TSPAN13: variants seen among roughly 807,000 people sequenced by gnomAD.
The protein encoded by TSPAN13 is tetraspanin-13.
In TSPAN13, 18 loss-of-function variants were observed where a neutral mutation model predicts 26.9. The observed-to-expected ratio is 0.67, with a 90% confidence interval of 0.46 to 0.99. TSPAN13 has a LOEUF of 0.99. Among genes scored for constraint, TSPAN13 ranks in the 50% least tolerant of loss-of-function variants. The probability of loss-of-function intolerance (pLI) is 0.00; values close to 1 mark genes in which losing one functional copy is unlikely to be tolerated. For missense variants in TSPAN13, 201 were observed against 249.6 expected (o/e 0.81, Z 1.31); for synonymous variants, 116 against 98.4 (o/e 1.18, Z -1.06).
At chr7:16,765,332 G>A (rs185434401) in intron 1 of TSPAN13, among the ~76,000 whole-genome samples, 288 of 152,146 alleles carry the variant, frequency 1.9e-3, no homozygotes, top group African/African-American at 6.7e-3. Context: ...CGAGCTACCT[G>A]GGTTCAAGCA....
At chr7:16,771,144 G>GAA (rs1491478640) in intron 1 of TSPAN13, among the ~76,000 whole-genome samples, 2 of 152,206 alleles carry the variant, frequency 1.3e-5, no homozygotes, top group Non-Finnish European at 2.9e-5. Flanking sequence ...CACAGCACCA[G>GAA]CTGTATGCTT....
intron 1 of TSPAN13, among the ~76,000 whole-genome samples, chr7:16,763,436 A>T (rs56937850): frequency 0.051 from 7,753 of 152,244 alleles, 695 homozygotes; most frequent in African/African-American, 0.18. Context: ...TGGGACATCC[A>T]GTAGTTGGGT....
Position 16,777,786 on chromosome 7 carries a change from C to T in TSPAN13, c.313-12C>T. The T allele has an allele frequency of 6.2e-7, 1 of 1,607,412 alleles. No homozygotes were observed. Among genetic ancestry groups the T allele is most frequent in the Non-Finnish European group, 8.5e-7 (1 of 1,175,044 alleles). ...GGGATGACACATTTTATATATTAAA[C>T]ACATTTACTAGGGTCAGCTTCTGGA... On this transcript the variant is annotated splice_polypyrimidine_tract_variant and intron_variant, in intron 3 of 5. Transcript: ENST00000262067.
Position 16,754,966 on chromosome 7 carries a change from G to T in TSPAN13, c.63+936G>T, listed in dbSNP as rs114513682. Among the ~76,000 whole-genome samples the T allele has an allele frequency of 2.8e-3, 421 of 152,282 alleles. 1 individual carries two copies. Among genetic ancestry groups the T allele is most frequent in the African/African-American group, 9.4e-3 (391 of 41,564 alleles). On this transcript the variant is annotated intron_variant, in intron 1 of 5. Coordinates refer to ENST00000262067, the MANE Select transcript of TSPAN13 (RefSeq NM_014399.4). ...TATACATAAGGTAACAGACCAAAAA[G>T]GTTTTAGTAAGTTTACATAGCTGGT... is the stretch of plus-strand genomic sequence containing the variant.
intron 4 of TSPAN13, 48 bp downstream of exon 4, chr7:16,777,959 A>G (rs1289249331): frequency 4.5e-6 from 6 of 1,342,900 alleles, no homozygotes; most frequent in Non-Finnish European, 6.3e-6. Flanking sequence ...TTACAGATAA[A>G]TAATGATTAA....
chr7:16,776,603 C>G (rs1784752804), intron 2 of TSPAN13, among the ~76,000 whole-genome samples: 2 of 152,128 alleles, frequency 1.3e-5, no homozygotes, highest in South Asian at 4.1e-4. Flanking sequence ...TCTGCAAGTT[C>G]AGTGTAGTCC....
chr7:16,765,987 C>T (rs923922910), intron 1 of TSPAN13, among the ~76,000 whole-genome samples: 1 of 152,154 alleles, frequency 6.6e-6, no homozygotes, highest in Non-Finnish European at 1.5e-5. Flanking sequence ...AATTACAAAC[C>T]AGCCATAACA....
In TSPAN13 at chr7:16,783,534, C is replaced by A; in HGVS notation, c.*43C>A. 2 of 1,577,586 alleles carry A rather than the reference C, an allele frequency of 1.3e-6. No homozygotes were observed. The highest frequency in any genetic ancestry group is 1.1e-5 in the South Asian group (1 of 89,812). Reference sequence around the variant, plus strand: ...TTTCCTTTCGTATTATGATCTTGTTCACTTTCTGTAATTTTCTGTTAAGCT... The same window carrying A: ...TTTCCTTTCGTATTATGATCTTGTTAACTTTCTGTAATTTTCTGTTAAGCT... On this transcript the variant is annotated 3_prime_UTR_variant, in exon 6 of 6. Transcript: ENST00000262067.
At chr7:16,754,235 T>C (rs1028598124) in intron 1 of TSPAN13, among the ~76,000 whole-genome samples, 25 of 152,170 alleles carry the variant, frequency 1.6e-4, no homozygotes, top group African/African-American at 5.5e-4. Flanking sequence ...CTTTCGTTCA[T>C]TGTGAAGCCG....
rs527855213 is a variant in TSPAN13, at chr7:16,761,271, A to G, written c.63+7241A>G. Among the ~76,000 whole-genome samples the G allele has an allele frequency of 1.1e-4, 17 of 152,384 alleles. 1 individual carries two copies. The South Asian group carries it at 3.5e-3, about 32-fold the overall frequency. ...CTTCTGTGTCATTTGAAGAATGATC[A>G]TAAAGCAATAAAAGAACTGAGGTTT... On this transcript the variant is annotated intron_variant, in intron 1 of 5. Coordinates refer to ENST00000262067, the MANE Select transcript of TSPAN13 (RefSeq NM_014399.4).
At chr7:16,778,674 C>T (rs554629142) in intron 4 of TSPAN13, among the ~76,000 whole-genome samples, 1 of 152,326 alleles carries the variant, frequency 6.6e-6, no homozygotes, top group South Asian at 2.1e-4. Flanking sequence ...GCATCAAAGT[C>T]ACTGTGAGAA....
chr7:16,773,085 C>T (rs964739938), intron 1 of TSPAN13, among the ~76,000 whole-genome samples: 12 of 149,602 alleles, frequency 8.0e-5, no homozygotes, highest in Admixed American at 7.3e-4. Context: ...GTCAGCTGGG[C>T]TATTCTGTTT....
In TSPAN13 at chr7:16,783,625, A is replaced by G; in HGVS notation, c.*134A>G. The stretch of plus-strand genomic sequence containing the variant: ...TACCTTATTGATAGTGGAATTATAT[A>G]TTTTTACTCTATGTTTCTCTACATG... On this transcript the variant is annotated 3_prime_UTR_variant, in exon 6 of 6. Coordinates refer to ENST00000262067, the MANE Select transcript of TSPAN13 (RefSeq NM_014399.4). The G allele has an allele frequency of 2.5e-6, 2 of 791,022 alleles. No homozygotes were observed. Among genetic ancestry groups the G allele is most frequent in the Non-Finnish European group, 4.1e-6 (2 of 482,774 alleles). The allele number at this position is 791,022 out of a possible 1,614,324, so 49.0% of individuals were successfully genotyped here.
In TSPAN13 at chr7:16,776,059, T is replaced by A. The variant is rs1583794430; in HGVS notation, c.64-152T>A. The A allele has an allele frequency of 2.1e-5, 13 of 614,462 alleles. No homozygotes were observed. In the East Asian group the frequency reaches 3.7e-4, roughly 18 times the overall value. The allele number at this position is 614,462 out of a possible 1,614,324, so 38.1% of individuals were successfully genotyped here. A position where few individuals can be genotyped will look rare whatever the true frequency, so the allele number is the denominator to read the frequency against. On this transcript the variant is annotated intron_variant, in intron 1 of 5. Transcript: ENST00000262067. Reference sequence around the variant, plus strand: ...TAAAACAATACTGCCTATTGAGATCTTGTGTGTATTCTTGTATTAAGTTTT... The same window carrying A: ...TAAAACAATACTGCCTATTGAGATCATGTGTGTATTCTTGTATTAAGTTTT...
rs538153885 is a variant in TSPAN13 at position 16,754,391 on chromosome 7, C to T, written c.63+361C>T. Among the ~76,000 whole-genome samples the T allele has an allele frequency of 2.6e-5, 4 of 152,336 alleles. No homozygotes were observed. In the East Asian group the frequency reaches 7.7e-4, roughly 29 times the overall value. ...GCCGCTCGCTCCTGACATCCAGACG[C>T]ATCTGGGCCAGGCGTGGAGGCGCGA... On this transcript the variant is annotated intron_variant, in intron 1 of 5. Coordinates refer to ENST00000262067, the MANE Select transcript of TSPAN13 (RefSeq NM_014399.4).
In TSPAN13 at chr7:16,763,580, ATGT is replaced by A. The variant is rs542080974; in HGVS notation, c.63+9554_63+9556del. Among the ~76,000 whole-genome samples the A allele has an allele frequency of 2.8e-3, 420 of 152,290 alleles. 1 individual carries two copies. Among genetic ancestry groups the A allele is most frequent in the Non-Finnish European group, 4.3e-3 (293 of 68,024 alleles). ...TCCATGATGGCTACTGGCAGAATCA[ATGT>A]TGTCCTTATACCTTGCTAGGTCAGA... On this transcript the variant is annotated intron_variant, in intron 1 of 5. Coordinates refer to ENST00000262067, the MANE Select transcript of TSPAN13 (RefSeq NM_014399.4).
rs903105693 is a variant in TSPAN13 at position 16,769,522 on chromosome 7, A to G, written c.64-6689A>G. 2.1e-5 allele frequency among the ~76,000 whole-genome samples: 3 copies of G among 140,762 alleles called. No homozygotes were observed. The Admixed American group carries it at 2.3e-4, about 11-fold the overall frequency. The allele number at this position is 140,762 out of a possible 152,430, so 92.3% of individuals were successfully genotyped here. On this transcript the variant is annotated intron_variant, in intron 1 of 5. Coordinates refer to ENST00000262067, the MANE Select transcript of TSPAN13 (RefSeq NM_014399.4). ...GACTACTTTTGTTGGATTTCTTCAT[A>G]TATATCTTATATTTTGGGGGTATAT...
chr7:16,776,465 G>A lies in TSPAN13; in HGVS notation c.231+87G>A, dbSNP rs146935266. 4,774 of 1,348,292 alleles carry A rather than the reference G, an allele frequency of 3.5e-3. 152 individuals are homozygous for A. In the African/African-American group the frequency reaches 0.061, roughly 17 times the overall value. 83.5% of individuals were successfully genotyped at this position (1,348,292 alleles called of 1,614,324 possible). A position where few individuals can be genotyped will look rare whatever the true frequency, so the allele number is the denominator to read the frequency against. On this transcript the variant is annotated intron_variant, in intron 2 of 5. Coordinates refer to ENST00000262067, the MANE Select transcript of TSPAN13 (RefSeq NM_014399.4). ...TAATATTATCACTAGGAAATTTATT[G>A]CCAGAAAGCAACTCCAAGCAAGCCT...
At chr7:16,782,458 C>T (rs1784823738) in intron 5 of TSPAN13, among the ~76,000 whole-genome samples, 1 of 152,168 alleles carries the variant, frequency 6.6e-6, no homozygotes, top group South Asian at 2.1e-4. Context: ...GTTTAAAACT[C>T]ATTTTATTCT....
Sources: gnomAD v4.1 joint callset for allele counts (sites outside exome capture counted in the v4.1 genomes callset) on GRCh38, gnomAD v4.1.1 for gene constraint, MANE v1.5 for transcripts, NCBI Gene and HGNC (gene_info 2026-07-23, HGNC 2026-07-21) for gene names.